RCAN2: variants seen among roughly 807,000 people sequenced by gnomAD.
RCAN2 encodes the protein regulator of calcineurin 2.
A neutral mutation model predicts 23.6 loss-of-function variants in RCAN2; 9 were observed. The observed-to-expected ratio is 0.38, with a 90% CI of 0.23 to 0.67. The LOEUF (loss-of-function observed/expected upper bound fraction) is 0.67, where lower values mean the gene tolerates loss of function less well. RCAN2 is among the 30% of genes least tolerant of loss of function. The probability of loss-of-function intolerance (pLI) is 0.51; values close to 1 mark genes in which losing one functional copy is unlikely to be tolerated. For missense variants in RCAN2, 273 were observed against 302.3 expected (o/e 0.90, Z 0.72); for synonymous variants, 109 against 115.7 (o/e 0.94, Z 0.37).
At chr6:46,346,016 T>C (rs1052927354) in intron 2 of RCAN2, among the ~76,000 whole-genome samples, 9 of 152,114 alleles carry the variant, frequency 5.9e-5, no homozygotes, top group African/African-American at 1.9e-4. Context: ...TTTTTACTTG[T>C]GTAAAGATGG....
At chr6:46,369,449 A>G (rs1290926271) in intron 2 of RCAN2, among the ~76,000 whole-genome samples, 1 of 152,202 alleles carries the variant, frequency 6.6e-6, no homozygotes, top group Admixed American at 6.5e-5. Flanking sequence ...CTGACAGTAT[A>G]ATATGTTTGT....
At chr6:46,284,490 T>C (rs535628201) in intron 2 of RCAN2, among the ~76,000 whole-genome samples, 2 of 152,208 alleles carry the variant, frequency 1.3e-5, no homozygotes, top group Non-Finnish European at 2.9e-5. Flanking sequence ...CTAATTTTAA[T>C]AAAACCCAAT....
chr6:46,472,329 C>T (rs954795690), intron 1 of RCAN2, among the ~76,000 whole-genome samples: 1 of 152,130 alleles, frequency 6.6e-6, no homozygotes, highest in East Asian at 1.9e-4. Context: ...TAAAAGCACA[C>T]ATATAAATTC....
chr6:46,424,144 C>T (rs536156017), intron 2 of RCAN2, among the ~76,000 whole-genome samples: 2 of 152,226 alleles, frequency 1.3e-5, no homozygotes, highest in African/African-American at 4.8e-5. Flanking sequence ...AATAACTGCT[C>T]GTACTTACAT....
chr6:46,405,350 G>A (rs1394038158), intron 2 of RCAN2, among the ~76,000 whole-genome samples: 1 of 152,164 alleles, frequency 6.6e-6, no homozygotes, highest in Non-Finnish European at 1.5e-5. Flanking sequence ...GGGGACCCGA[G>A]CGGGTTGCCA....
intron 2 of RCAN2, among the ~76,000 whole-genome samples, chr6:46,263,604 G>T (rs2150328162): frequency 6.8e-6 from 1 of 148,090 alleles, no homozygotes; most frequent in East Asian, 2.0e-4. Flanking sequence ...AGGAAGAAAT[G>T]GCCTGTAAGA....
chr6:46,331,342 C>T (rs1270476670), intron 2 of RCAN2, among the ~76,000 whole-genome samples: 3 of 151,966 alleles, frequency 2.0e-5, no homozygotes, highest in Non-Finnish European at 2.9e-5. Context: ...CCCTATTATC[C>T]TGCAAAGATC....
At chr6:46,351,819 T>C (rs1471447608) in intron 2 of RCAN2, among the ~76,000 whole-genome samples, 1 of 152,130 alleles carries the variant, frequency 6.6e-6, no homozygotes, top group African/African-American at 2.4e-5. Context: ...GCGAGGAAAT[T>C]GAGAGGAAGG....
intron 2 of RCAN2, among the ~76,000 whole-genome samples, chr6:46,416,033 G>A (rs368154432): frequency 1.2e-4 from 19 of 152,148 alleles, no homozygotes; most frequent in Admixed American, 2.6e-4. Flanking sequence ...GGTAATAACC[G>A]ACAAGAAAAA....
chr6:46,462,083 T>C (rs1768233968), intron 1 of RCAN2, among the ~76,000 whole-genome samples: 1 of 152,216 alleles, frequency 6.6e-6, no homozygotes, highest in Non-Finnish European at 1.5e-5. Context: ...CATCTTCTAC[T>C]GTTAAGTGTG....
chr6:46,263,869 A>G (rs1172240240), intron 2 of RCAN2, among the ~76,000 whole-genome samples: 1 of 152,168 alleles, frequency 6.6e-6, no homozygotes, highest in Non-Finnish European at 1.5e-5. Flanking sequence ...ATCACAGGAA[A>G]CATAAACCAA....
intron 1 of RCAN2, among the ~76,000 whole-genome samples, chr6:46,471,225 C>A (rs769116167): frequency 6.6e-6 from 1 of 152,294 alleles, no homozygotes; most frequent in Non-Finnish European, 1.5e-5. Context: ...AGAGTCTGAA[C>A]AGAGGAGTTT....
intron 2 of RCAN2, among the ~76,000 whole-genome samples, chr6:46,280,646 G>A (rs1582060059): frequency 6.6e-6 from 1 of 152,314 alleles, no homozygotes; most frequent in East Asian, 1.9e-4. Context: ...TGGTTCCAAT[G>A]AAGCCTTGGA....
At chr6:46,476,711 G>A (rs1172062728) in intron 1 of RCAN2, among the ~76,000 whole-genome samples, 1 of 146,474 alleles carries the variant, frequency 6.8e-6, no homozygotes, top group Non-Finnish European at 1.5e-5. Flanking sequence ...TTTGTCTTTT[G>A]TTCTAGGTTT....
intron 2 of RCAN2, among the ~76,000 whole-genome samples, chr6:46,390,690 G>T (rs752722538): frequency 6.6e-6 from 1 of 152,168 alleles, no homozygotes; most frequent in Non-Finnish European, 1.5e-5. Flanking sequence ...GACTGTAAAG[G>T]AATGTCATAA....
intron 2 of RCAN2, among the ~76,000 whole-genome samples, chr6:46,304,337 C>T (rs1167105846): frequency 6.6e-6 from 1 of 152,094 alleles, no homozygotes; most frequent in Non-Finnish European, 1.5e-5. Context: ...TTGTCAGATA[C>T]ATGTATTACA....
In RCAN2 at chr6:46,413,398, T is replaced by C. The variant is rs559640021; in HGVS notation, c.225+43354A>G. 1.2e-3 allele frequency among the ~76,000 whole-genome samples: 187 copies of C among 152,338 alleles called. 1 individual carries two copies. The highest frequency in any genetic ancestry group is 2.3e-3 in the Non-Finnish European group (159 of 68,030). On this transcript the variant is annotated intron_variant, in intron 2 of 4. Transcript: ENST00000371374. ...ACGGTAGGCAGTTCTGTTGAAAGAT[T>C]TCCTGCTAAGATTTTTTTTATGTGA...
At chr6:46,270,119 G>A (rs1767476248) in intron 2 of RCAN2, among the ~76,000 whole-genome samples, 1 of 152,134 alleles carries the variant, frequency 6.6e-6, no homozygotes, top group Non-Finnish European at 1.5e-5. Flanking sequence ...GGAAGACTGG[G>A]GGCTTGGGCT....
chr6:46,254,225 A>C (rs1465050718), intron 2 of RCAN2, among the ~76,000 whole-genome samples: 1 of 152,202 alleles, frequency 6.6e-6, no homozygotes, highest in Non-Finnish European at 1.5e-5. Context: ...TGGTATTGGG[A>C]TCCCTCATGA....
Sources: gnomAD v4.1 joint callset for allele counts (sites outside exome capture counted in the v4.1 genomes callset) on GRCh38, gnomAD v4.1.1 for gene constraint, MANE v1.5 for transcripts, NCBI Gene and HGNC (gene_info 2026-07-23, HGNC 2026-07-21) for gene names.